USP54: variants seen among roughly 807,000 people sequenced by gnomAD.
USP54 encodes ubiquitin carboxyl-terminal hydrolase 54.
A neutral mutation model predicts 170.5 loss-of-function variants in USP54; 87 were observed. The observed-to-expected ratio is 0.51, with a 90% CI of 0.43 to 0.61. The LOEUF is 0.61. Among genes scored for constraint, USP54 ranks in the 20% least tolerant of loss-of-function variants. USP54 has a pLI of 0.00. For missense variants in USP54, 1,786 were observed against 2,047.8 expected (o/e 0.87, Z 2.47); for synonymous variants, 655 against 742.8 (o/e 0.88, Z 1.92).
chr10:73,525,393 T>G (rs1353826492), intron 16 of USP54, among the ~76,000 whole-genome samples: 2 of 152,112 alleles, frequency 1.3e-5, no homozygotes, highest in Non-Finnish European at 2.9e-5. Flanking sequence ...AACAGGATGG[T>G]GGGGTGATAT....
intron 1 of USP54, among the ~76,000 whole-genome samples, chr10:73,582,469 G>A (rs1420335086): frequency 6.6e-6 from 1 of 151,518 alleles, no homozygotes. Flanking sequence ...CACTGCAACA[G>A]CCACCTCCAC....
At chr10:73,526,351 A>G (rs1056469570) in intron 16 of USP54, among the ~76,000 whole-genome samples, 36 of 152,102 alleles carry the variant, frequency 2.4e-4, no homozygotes, top group African/African-American at 8.0e-4. Flanking sequence ...AGGTTCAAGC[A>G]ATTCTCCTGC....
At chr10:73,595,274 T>G (rs920347066), upstream of USP54, among the ~76,000 whole-genome samples, 5 of 152,232 alleles carry the variant, frequency 3.3e-5, no homozygotes, top group East Asian at 9.6e-4. Context: ...CAGGCTGGAG[T>G]GCAGTGGCTA....
At chr10:73,611,917 T>G (rs764724097) in intron 1 of USP54, among the ~76,000 whole-genome samples, 3 of 151,944 alleles carry the variant, frequency 2.0e-5, no homozygotes, top group Non-Finnish European at 4.4e-5. Flanking sequence ...CAGACCAGGC[T>G]GCACAACACA....
chr10:73,539,526 T>C lies in USP54; in HGVS notation c.893A>G (p.Tyr298Cys). ...SELYLVGMIC[Y>C]YGKHYSTFFF... The stretch of plus-strand genomic sequence containing the variant: ...GAATGTAGAATAATGTTTGCCATAG[T>C]AACAGATCATTCCAACTAAGTACAG... The change falls in exon 10 of 24, where the codon TAC becomes TGC. Residue 298 changes from tyrosine (Y) to cysteine (C), a missense_variant. Around this residue, in one of 3 missense-constraint regions of USP54, gnomAD observed 361 missense variants for 455.0 expected, o/e 0.79. Coordinates refer to ENST00000687698, the MANE Select transcript of USP54 (RefSeq NM_001391956.1). 6.2e-7 allele frequency: 1 copy of C among 1,612,438 alleles called. No homozygotes were observed. The highest frequency in any genetic ancestry group is 8.5e-7 in the Non-Finnish European group (1 of 1,178,908).
intron 1 of USP54, among the ~76,000 whole-genome samples, chr10:73,589,776 A>G (rs893047425): frequency 1.3e-5 from 2 of 152,214 alleles, no homozygotes; most frequent in African/African-American, 4.8e-5. Context: ...GAGCAAGCAC[A>G]TGACTGACTG....
intron 1 of USP54, among the ~76,000 whole-genome samples, chr10:73,581,627 T>G (rs1042046357): frequency 2.0e-5 from 3 of 152,228 alleles, no homozygotes; most frequent in Admixed American, 2.0e-4. Context: ...CCACATTACA[T>G]AAATGGGGCT....
At position 73,498,794 on chromosome 10, in the gene USP54, A is replaced by G. The variant is rs763007148; in HGVS notation, c.4890T>C (p.Gly1630=). The G allele has an allele frequency of 6.2e-7, 1 of 1,613,374 alleles. No homozygotes were observed. The highest frequency in any genetic ancestry group is 8.5e-7 in the Non-Finnish European group (1 of 1,179,654). The change falls in exon 24 of 24, where the codon GGT becomes GGC. Residue 1630 remains glycine (G), a synonymous_variant. Transcript: ENST00000687698. ...CTGGGGGCATATCTACTCTTCGAGGACCAGGGGTTCGGGACCCTGGAACAG... is the reference window on the plus strand; with the variant it reads ...CTGGGGGCATATCTACTCTTCGAGGGCCAGGGGTTCGGGACCCTGGAACAG... ...SDPVPGSRTP[G]PRRVDMPPDD...
upstream of USP54, among the ~76,000 whole-genome samples, chr10:73,592,886 T>C (rs2078389076): frequency 6.6e-6 from 1 of 152,238 alleles, no homozygotes; most frequent in Non-Finnish European, 1.5e-5. Context: ...TCTGCTATGA[T>C]ACTCACATTC....
In USP54 at chr10:73,514,107, G is replaced by A. The variant is rs117585481; in HGVS notation, c.4051+2268C>T. Among the ~76,000 whole-genome samples the A allele has an allele frequency of 3.3e-5, 5 of 152,046 alleles. No individual in the cohort carries two copies. In the East Asian group the frequency reaches 7.8e-4, roughly 24 times the overall value. On this transcript the variant is annotated intron_variant, in intron 20 of 23. Transcript: ENST00000687698. ...GCTGGGATCACAGGTGTGGGCCACC[G>A]TGCCCAGCTAATTTTTTTGTGTGTA...
chr10:73,611,500 T>A (rs998221479), intron 1 of USP54: 1 of 150,692 alleles, frequency 6.6e-6, no homozygotes, highest in African/African-American at 2.4e-5. Flanking sequence ...AATAAATAAA[T>A]AAAAAATAGG....
intron 12 of USP54, among the ~76,000 whole-genome samples, chr10:73,532,276 C>T (rs557177008): frequency 2.0e-5 from 3 of 152,236 alleles, no homozygotes; most frequent in African/African-American, 7.2e-5. Context: ...GGGTTCACGC[C>T]ATTCTCCTGC....
chr10:73,617,973 G>A (rs1406624619), intron 1 of USP54, among the ~76,000 whole-genome samples: 1 of 150,392 alleles, frequency 6.6e-6, no homozygotes, highest in Non-Finnish European at 1.5e-5. Flanking sequence ...CATTCTGGGA[G>A]TGCAAGGTTG....
At position 73,560,560 on chromosome 10, in the gene USP54, A is replaced by G. The variant is rs1261911561; in HGVS notation, c.240+10861T>C. 8.9e-5 allele frequency among the ~76,000 whole-genome samples: 13 copies of G among 146,062 alleles called. No homozygotes were observed. The Admixed American group carries it at 9.0e-4, about 10-fold the overall frequency. ...GTGCCTGTAGTCCCAGCTACTCAGG[A>G]GGCTGAGGCAGGAGAATGGCGTGAA... is the stretch of plus-strand genomic sequence containing the variant. On this transcript the variant is annotated intron_variant, in intron 4 of 23. Coordinates refer to ENST00000687698, the MANE Select transcript of USP54 (RefSeq NM_001391956.1).
At chr10:73,597,754 A>G (rs1241887462) in intron 1 of USP54, among the ~76,000 whole-genome samples, 2 of 152,230 alleles carry the variant, frequency 1.3e-5, no homozygotes, top group Non-Finnish European at 1.5e-5. Context: ...AATGGGCAGA[A>G]TGAACCCATT....
intron 5 of USP54, among the ~76,000 whole-genome samples, chr10:73,543,457 C>T (rs2067059798): frequency 6.6e-6 from 1 of 152,130 alleles, no homozygotes; most frequent in Non-Finnish European, 1.5e-5. Flanking sequence ...AGCTCCACCT[C>T]CCGGGTTCAC....
In USP54 at chr10:73,533,284, C is replaced by T. The variant is rs887093757; in HGVS notation, c.1315+1316G>A. Among the ~76,000 whole-genome samples, 11 of 150,666 alleles carry T rather than the reference C, an allele frequency of 7.3e-5. No homozygotes were observed. The East Asian group carries it at 7.8e-4, about 11-fold the overall frequency. On this transcript the variant is annotated intron_variant, in intron 12 of 23. Transcript: ENST00000687698. ...TCGTGCCACTGCACTCCAGCCTGGGCGACAGAGCGACTCCAACTCAAAAAA... is the reference window on the plus strand; with the variant it reads ...TCGTGCCACTGCACTCCAGCCTGGGTGACAGAGCGACTCCAACTCAAAAAA...
intron 1 of USP54, among the ~76,000 whole-genome samples, chr10:73,604,295 C>A (rs1249033593): frequency 6.6e-6 from 1 of 152,034 alleles, no homozygotes; most frequent in Non-Finnish European, 1.5e-5. Flanking sequence ...ACAGTGTTGG[C>A]AAGAACGTGG....
chr10:73,581,898 A>G (rs1487331929), intron 1 of USP54, among the ~76,000 whole-genome samples: 1 of 152,234 alleles, frequency 6.6e-6, no homozygotes, highest in Non-Finnish European at 1.5e-5. Context: ...AGAATTAAAG[A>G]CATACCTCTA....
Sources: allele counts gnomAD v4.1 joint callset (sites outside exome capture counted in the v4.1 genomes callset), GRCh38; gene constraint gnomAD v4.1.1; regional missense constraint gnomAD v4.1.1; transcripts MANE v1.5; gene names NCBI Gene and HGNC (gene_info 2026-07-23, HGNC 2026-07-21).